ROBO1: variants seen among roughly 807,000 people sequenced by gnomAD.
ROBO1 encodes roundabout homolog 1.
In ROBO1, 149 loss-of-function variants were observed where a neutral mutation model predicts 195.9. That is an observed-to-expected ratio of 0.76 (90% CI 0.67 to 0.87). ROBO1 has a LOEUF of 0.87. Among genes scored for constraint, ROBO1 ranks in the 40% least tolerant of loss-of-function variants. The pLI, the probability that ROBO1 is intolerant of heterozygous loss-of-function variation, is 0.00. For synonymous variants in ROBO1, 816 were observed against 733.2 expected (o/e 1.11, Z -1.82); for missense variants, 1,933 against 2,068.3 (o/e 0.93, Z 1.27).
intron 1 of ROBO1, among the ~76,000 whole-genome samples, chr3:79,630,675 A>G (rs540424594): frequency 6.6e-6 from 1 of 152,140 alleles, no homozygotes; most frequent in African/African-American, 2.4e-5. Context: ...TCCAAATTAT[A>G]AAAAAGAGTA....
At chr3:79,360,269 A>G (rs1387404120) in intron 2 of ROBO1, among the ~76,000 whole-genome samples, 1 of 152,018 alleles carries the variant, frequency 6.6e-6, no homozygotes, top group African/African-American at 2.4e-5. Flanking sequence ...CATAAATGGA[A>G]GTTATGAACA....
At chr3:78,895,658 A>G (rs1293288818) in intron 4 of ROBO1, among the ~76,000 whole-genome samples, 4 of 152,244 alleles carry the variant, frequency 2.6e-5, no homozygotes, top group African/African-American at 7.2e-5. Flanking sequence ...GTTCTTTGGC[A>G]AGATTTGGCA....
At chr3:78,758,368 A>G (rs2082994878) in intron 4 of ROBO1, among the ~76,000 whole-genome samples, 1 of 151,892 alleles carries the variant, frequency 6.6e-6, no homozygotes, top group South Asian at 2.1e-4. Flanking sequence ...AAAAATATAT[A>G]TAAAAAAATA....
chr3:78,784,491 C>T (rs1236236912), intron 4 of ROBO1, among the ~76,000 whole-genome samples: 1 of 152,064 alleles, frequency 6.6e-6, no homozygotes, highest in Non-Finnish European at 1.5e-5. Context: ...GTCCACAATA[C>T]TGTCTAGGTA....
chr3:79,757,567 G>C lies in ROBO1; in HGVS notation c.-51+10185C>G, dbSNP rs548657513. On this transcript the variant is annotated intron_variant, in intron 1 of 30. Coordinates refer to ENST00000464233, the MANE Select transcript of ROBO1 (RefSeq NM_002941.4). Reference sequence around the variant, plus strand: ...AGTGATTCACACTTGTAATGCCCGAGCTTTGGGAGGCTGAGGCAGGAAGAT... The same window carrying C: ...AGTGATTCACACTTGTAATGCCCGACCTTTGGGAGGCTGAGGCAGGAAGAT... Among the ~76,000 whole-genome samples the C allele has an allele frequency of 2.0e-5, 3 of 151,526 alleles. No homozygotes were observed. The East Asian group carries it at 5.8e-4, about 29-fold the overall frequency.
intron 2 of ROBO1, among the ~76,000 whole-genome samples, chr3:79,321,590 G>C (rs889374916): frequency 2.0e-5 from 3 of 152,168 alleles, no homozygotes; most frequent in Admixed American, 2.0e-4. Context: ...AGAGGATGAA[G>C]TCTGAGGTTT....
chr3:78,720,584 C>T lies in ROBO1; in HGVS notation c.658-2701G>A, dbSNP rs549288566. On this transcript the variant is annotated intron_variant, in intron 5 of 30. Coordinates refer to ENST00000464233, the MANE Select transcript of ROBO1 (RefSeq NM_002941.4). ...AGAAATACCATTTGACTCAGCCATC[C>T]CATTACTGGGTATATACCCAAAGGA... Among the ~76,000 whole-genome samples the T allele has an allele frequency of 8.5e-5, 13 of 152,260 alleles. No individual in the cohort carries two copies. The South Asian group carries it at 2.7e-3, about 32-fold the overall frequency.
At chr3:78,747,560 CT>C (rs2082687795) in intron 4 of ROBO1, among the ~76,000 whole-genome samples, 1 of 152,090 alleles carries the variant, frequency 6.6e-6, no homozygotes, top group Non-Finnish European at 1.5e-5. Flanking sequence ...AACAGCATCA[CT>C]TTTATGTTCT....
At chr3:79,083,396 C>T (rs1381599437) in intron 3 of ROBO1, among the ~76,000 whole-genome samples, 1 of 152,182 alleles carries the variant, frequency 6.6e-6, no homozygotes, top group African/African-American at 2.4e-5. Context: ...CATTGTTGTG[C>T]TATATATAGA....
intron 2 of ROBO1, among the ~76,000 whole-genome samples, chr3:79,425,992 G>C (rs1332099793): frequency 6.6e-6 from 1 of 152,026 alleles, no homozygotes; most frequent in African/African-American, 2.4e-5. Context: ...AATTGATTAA[G>C]AAATTTTTAC....
At chr3:79,436,075 C>A (rs542458207) in intron 2 of ROBO1, among the ~76,000 whole-genome samples, 1 of 152,000 alleles carries the variant, frequency 6.6e-6, no homozygotes, top group African/African-American at 2.4e-5. Flanking sequence ...AACACTGGAC[C>A]CTTGTAAAGA....
chr3:78,711,398 C>CTTT (rs1491176844), intron 8 of ROBO1, among the ~76,000 whole-genome samples: 19 of 39,934 alleles, frequency 4.8e-4, no homozygotes, highest in Non-Finnish European at 9.6e-4. Context: ...TTCCTTCCTT[C>CTTT]CTTTCTTTCT....
At chr3:79,523,461 CTTTTTTTTTTCTTTT>C (rs1293064399) in intron 2 of ROBO1, among the ~76,000 whole-genome samples, 19 of 134,822 alleles carry the variant, frequency 1.4e-4, no homozygotes, top group Admixed American at 2.3e-4. Context: ...ATTTTTCTTT[CTTTTTTTTTTCTTTT>C]TTTTTTTTTT....
chr3:78,982,400 G>A (rs1208919427), intron 3 of ROBO1, among the ~76,000 whole-genome samples: 3 of 152,068 alleles, frequency 2.0e-5, no homozygotes, highest in African/African-American at 7.2e-5. Flanking sequence ...GAGGACAGGG[G>A]AAGTGTTCCC....
intron 2 of ROBO1, among the ~76,000 whole-genome samples, chr3:79,259,887 T>A (rs2082907738): frequency 6.6e-6 from 1 of 152,150 alleles, no homozygotes; most frequent in Admixed American, 6.6e-5. Context: ...CAAAAGAACT[T>A]TTTCAATTGT....
intron 4 of ROBO1, among the ~76,000 whole-genome samples, chr3:78,844,695 T>A (rs1378940137): frequency 6.6e-6 from 1 of 152,016 alleles, no homozygotes; most frequent in African/African-American, 2.4e-5. Flanking sequence ...AAAATACAAG[T>A]TTAAAGTCAA....
At chr3:78,622,987 T>A (rs1322873796) in intron 26 of ROBO1, among the ~76,000 whole-genome samples, 1 of 152,216 alleles carries the variant, frequency 6.6e-6, no homozygotes, top group Non-Finnish European at 1.5e-5. Flanking sequence ...TCCAGCTGAA[T>A]CCTTTCAGAA....
At chr3:79,075,153 C>T (rs1342612827) in intron 3 of ROBO1, among the ~76,000 whole-genome samples, 1 of 151,746 alleles carries the variant, frequency 6.6e-6, no homozygotes. Flanking sequence ...ATCAACTTTA[C>T]ATTTGGTAAC....
chr3:78,627,385 GT>G lies in ROBO1; in HGVS notation c.3810del (p.Glu1270AspfsTer27). 6.2e-7 allele frequency: 1 copy of G among 1,612,636 alleles called. No homozygotes were observed. On this transcript the variant is annotated frameshift_variant, in exon 26 of 31. Transcript: ENST00000464233. LOFTEE classifies it high-confidence loss of function. ...GGACAATCCTGTAACATGGGCTGGA[GT>G]TCTTCCTGTGGGGAGGGAGTCAGAG... ...TATLTPSPQE[E>X]LQPMLQDCPE...
Sources: allele counts gnomAD v4.1 joint callset (sites outside exome capture counted in the v4.1 genomes callset), GRCh38; gene constraint gnomAD v4.1.1; transcripts MANE v1.5; gene names NCBI Gene and HGNC (gene_info 2026-07-23, HGNC 2026-07-21).